USO1: variants seen among roughly 807,000 people sequenced by gnomAD.
USO1 encodes USO1 vesicle transport factor.
A neutral mutation model predicts 124.5 loss-of-function variants in USO1; 57 were observed. The observed-to-expected ratio is 0.46, with a 90% CI of 0.37 to 0.57. The LOEUF (loss-of-function observed/expected upper bound fraction) is 0.57, where lower values mean the gene tolerates loss of function less well. Among genes scored for constraint, USO1 ranks in the 20% least tolerant of loss-of-function variants. USO1 has a pLI of 0.00. For synonymous variants in USO1, 369 were observed against 362.8 expected (o/e 1.02, Z -0.19); for missense variants, 900 against 1,040.6 (o/e 0.86, Z 1.86).
chr4:75,801,866 C>A (rs1035855272), intron 17 of USO1, among the ~76,000 whole-genome samples: 7 of 152,266 alleles, frequency 4.6e-5, no homozygotes. Context: ...GTTTCCCAGG[C>A]TGGAGTGCAG....
intron 1 of USO1, among the ~76,000 whole-genome samples, chr4:75,732,876 TAAAAAAAAAA>T (rs3059597): frequency 4.2e-5 from 2 of 48,186 alleles, no homozygotes; most frequent in South Asian, 1.4e-3. Context: ...AGATTCCATC[TAAAAAAAAAA>T]AAAAAAAAAA....
intron 13 of USO1, among the ~76,000 whole-genome samples, chr4:75,798,021 G>C (rs192144597): frequency 3.7e-4 from 56 of 152,144 alleles, no homozygotes; most frequent in Non-Finnish European, 7.4e-4. Flanking sequence ...GTCCACTTTT[G>C]TGCTCTTTAG....
intron 11 of USO1, 103 bp from the exon 12 acceptor site, chr4:75,790,540 G>C: frequency 6.9e-7 from 1 of 1,457,028 alleles, no homozygotes; most frequent in South Asian, 1.5e-5. Context: ...TAACTTGCTG[G>C]TGTTCTGGTT....
In USO1 at chr4:75,813,206, G is replaced by T; in HGVS notation, c.2800G>T (p.Val934Phe). 6.2e-7 allele frequency: 1 copy of T among 1,604,514 alleles called. No individual in the cohort carries two copies. Among genetic ancestry groups the T allele is most frequent in the Admixed American group, 1.7e-5 (1 of 57,168 alleles). ...KNKLKDLGHP[V>F]EEEDELESGD... ...TATTAAATACGTCTTTTTCCTCTAGGTTGAAGAAGAGGATGAACTTGAATC... is the reference window on the plus strand; with the variant it reads ...TATTAAATACGTCTTTTTCCTCTAGTTTGAAGAAGAGGATGAACTTGAATC... The change falls in exon 24 of 24, where the codon GTT (valine) becomes TTT (phenylalanine). Residue 934 changes from valine to phenylalanine, a missense_variant and splice_region_variant. This residue lies in a region of USO1 where 362 missense variants were observed against 359.0 expected (regional missense o/e 1.01). Transcript: ENST00000514213.
At chr4:75,800,830 T>G in intron 16 of USO1, 31 bp downstream of exon 16, 1 of 1,589,858 alleles carries the variant, frequency 6.3e-7, no homozygotes, top group Non-Finnish European at 8.6e-7. Context: ...TGATATTTGA[T>G]GGAAAGTAAT....
At chr4:75,762,789 G>A (rs941902722) in intron 4 of USO1, among the ~76,000 whole-genome samples, 4 of 152,014 alleles carry the variant, frequency 2.6e-5, no homozygotes, top group Non-Finnish European at 5.9e-5. Flanking sequence ...TTAGCCAGGC[G>A]TGGTGGCGGG....
intron 7 of USO1, 50 bp downstream of exon 7, chr4:75,771,187 C>T (rs1721918194): frequency 1.3e-6 from 2 of 1,534,664 alleles, no homozygotes; most frequent in Non-Finnish European, 1.8e-6. Flanking sequence ...TTTTTTTTCT[C>T]TTGCAAATGA....
In USO1 at chr4:75,759,246, C is replaced by CTTTTTTTTTTTTTTTTTTTTTTT. The variant is rs71208100; in HGVS notation, c.295+1691_295+1692insTTTTTTTTTTTTTTTTTTTTTTT. On this transcript the variant is annotated intron_variant, in intron 4 of 23. Transcript: ENST00000514213. ...TAATAGAATCACTTTTATTAAGGAC[C>CTTTTTTTTTTTTTTTTTTTTTTT]TTTTTTTTTTTTTTTTTTCTGAAAA... Among the ~76,000 whole-genome samples the CTTTTTTTTTTTTTTTTTTTTTTT allele has an allele frequency of 8.5e-4, 59 of 69,122 alleles. 19 individuals are homozygous for CTTTTTTTTTTTTTTTTTTTTTTT. Among genetic ancestry groups the CTTTTTTTTTTTTTTTTTTTTTTT allele is most frequent in the African/African-American group, 3.2e-3 (50 of 15,526 alleles). The allele number at this position is 69,122 out of a possible 152,430, so 45.3% of individuals were successfully genotyped here.
chr4:75,730,411 T>C (rs925081183), intron 1 of USO1, among the ~76,000 whole-genome samples: 1 of 152,320 alleles, frequency 6.6e-6, no homozygotes. Flanking sequence ...TTTTAAAATG[T>C]AGATAAAAAG....
chr4:75,743,786 C>CT (rs903808028), intron 1 of USO1, among the ~76,000 whole-genome samples: 15 of 151,798 alleles, frequency 9.9e-5, no homozygotes, highest in South Asian at 4.2e-4. Context: ...CATACAAGCC[C>CT]TTTTTTTTGA....
At chr4:75,747,247 T>C (rs1319974296) in intron 1 of USO1, among the ~76,000 whole-genome samples, 7 of 152,178 alleles carry the variant, frequency 4.6e-5, no homozygotes, top group Non-Finnish European at 1.5e-5. Flanking sequence ...CTCAGTCTAA[T>C]GGTGCTAGGT....
intron 3 of USO1, among the ~76,000 whole-genome samples, chr4:75,755,041 A>G (rs1394347029): frequency 3.3e-5 from 5 of 152,134 alleles, no homozygotes; most frequent in South Asian, 4.1e-4. Flanking sequence ...TTACATTGCT[A>G]TTGGCAAGAG....
chr4:75,762,496 T>A (rs915705024), intron 4 of USO1, among the ~76,000 whole-genome samples: 1 of 150,694 alleles, frequency 6.6e-6, no homozygotes, highest in Non-Finnish European at 1.5e-5. Context: ...TTTCCTTCCT[T>A]TTTTTTTTAA....
At chr4:75,805,551 A>G (rs1165084686) in intron 19 of USO1, among the ~76,000 whole-genome samples, 1 of 152,134 alleles carries the variant, frequency 6.6e-6, no homozygotes, top group Non-Finnish European at 1.5e-5. Flanking sequence ...TACTAAAAAT[A>G]CAAAAATTAG....
At chr4:75,810,405 A>C (rs1723111542) in intron 21 of USO1, 27 bp from the exon 22 acceptor site, 1 of 1,584,738 alleles carries the variant, frequency 6.3e-7, no homozygotes, top group East Asian at 2.3e-5. Flanking sequence ...TTTAAGAGAC[A>C]TCTTTTTTTC....
chr4:75,792,431 G>A lies in USO1; in HGVS notation c.1241-1259G>A, dbSNP rs191983213. On this transcript the variant is annotated intron_variant, in intron 12 of 23. Coordinates refer to ENST00000514213, the MANE Select transcript of USO1 (RefSeq NM_003715.4). ...GCATGCCTGTAATCCCAGCTATGGG[G>A]GAGACTGAGGCAGGAGAATCGCTTG... Among the ~76,000 whole-genome samples the A allele has an allele frequency of 5.9e-5, 9 of 152,322 alleles. No homozygotes were observed. In the East Asian group the frequency reaches 1.7e-3, roughly 29 times the overall value.
intron 1 of USO1, among the ~76,000 whole-genome samples, chr4:75,737,869 C>G (rs1006461122): frequency 6.6e-6 from 1 of 151,698 alleles, no homozygotes; most frequent in African/African-American, 2.4e-5. Context: ...GCTCTGTCAC[C>G]GAGGCTGGAG....
intron 19 of USO1, among the ~76,000 whole-genome samples, chr4:75,806,071 A>C (rs1459844375): frequency 1.3e-5 from 2 of 152,082 alleles, no homozygotes; most frequent in Non-Finnish European, 2.9e-5. Context: ...GGCTCACTGC[A>C]ACCTCCACCT....
At chr4:75,763,047 A>G in intron 4 of USO1, among the ~76,000 whole-genome samples, 1 of 152,270 alleles carries the variant, frequency 6.6e-6, no homozygotes, top group South Asian at 2.1e-4. Context: ...CTCCTTTTAT[A>G]AAGCAATTTC....
Sources: gnomAD v4.1 joint callset for allele counts (sites outside exome capture counted in the v4.1 genomes callset) on GRCh38, gnomAD v4.1.1 for gene constraint, gnomAD v4.1.1 regional missense constraint, MANE v1.5 for transcripts, NCBI Gene and HGNC (gene_info 2026-07-23, HGNC 2026-07-21) for gene names.